The following ZDHHC14 variants were observed in gnomAD, a reference collection of about 807,000 sequenced individuals.
The protein encoded by ZDHHC14 is zDHHC palmitoyltransferase 14, also known as palmitoyltransferase ZDHHC14.
Under a neutral mutation model 47.7 loss-of-function variants are expected in ZDHHC14, and 16 were observed. The observed-to-expected ratio is 0.34, with a 90% confidence interval of 0.23 to 0.51. The LOEUF (loss-of-function observed/expected upper bound fraction) is 0.51, where lower values mean the gene tolerates loss of function less well. Ranked by LOEUF, ZDHHC14 falls within the 20% of genes least tolerant of loss-of-function variation. The pLI, the probability that ZDHHC14 is intolerant of heterozygous loss-of-function variation, is 0.97. For synonymous variants in ZDHHC14, 293 were observed against 278.9 expected (o/e 1.05, Z -0.50); for missense variants, 515 against 662.5 (o/e 0.78, Z 2.44).
chr6:157,669,297 T>C (rs1313878672), intron 8 of ZDHHC14, among the ~76,000 whole-genome samples: 1 of 143,310 alleles, frequency 7.0e-6, no homozygotes, highest in Non-Finnish European at 1.5e-5. Flanking sequence ...GCTGATGGAG[T>C]AGTGCAAAGT....
At chr6:157,424,036 C>T (rs1778165781) in intron 1 of ZDHHC14, among the ~76,000 whole-genome samples, 2 of 152,228 alleles carry the variant, frequency 1.3e-5, no homozygotes, top group South Asian at 4.1e-4. Context: ...GCTTATTTCA[C>T]CTGAGTTTTA....
chr6:157,512,475 C>T (rs1780528470), intron 1 of ZDHHC14, among the ~76,000 whole-genome samples: 2 of 152,218 alleles, frequency 1.3e-5, no homozygotes, highest in Non-Finnish European at 2.9e-5. Context: ...TAGTCCGTGG[C>T]TCACAGTTCA....
intron 5 of ZDHHC14, among the ~76,000 whole-genome samples, chr6:157,636,042 G>T (rs1008916803): frequency 2.4e-4 from 36 of 152,184 alleles, no homozygotes; most frequent in African/African-American, 7.2e-4. Flanking sequence ...ACACTCAGGG[G>T]CAGGGCAGCC....
intron 3 of ZDHHC14, among the ~76,000 whole-genome samples, chr6:157,594,327 C>T (rs568258763): frequency 2.0e-5 from 3 of 152,162 alleles, no homozygotes; most frequent in Non-Finnish European, 4.4e-5. Context: ...GCCTTGCCTC[C>T]CCAACAGAAC....
At chr6:157,432,008 C>T (rs1158609907) in intron 1 of ZDHHC14, among the ~76,000 whole-genome samples, 1 of 152,108 alleles carries the variant, frequency 6.6e-6, no homozygotes, top group African/African-American at 2.4e-5. Context: ...GGATTACAGA[C>T]GTGACCCATC....
intron 8 of ZDHHC14, among the ~76,000 whole-genome samples, chr6:157,669,263 CA>C (rs1426160066): frequency 6.7e-6 from 1 of 149,738 alleles, no homozygotes; most frequent in Non-Finnish European, 1.5e-5. Context: ...GAGAGGTGAT[CA>C]GGGGAGAGGA....
chr6:157,521,166 C>T (rs963561959), intron 1 of ZDHHC14, among the ~76,000 whole-genome samples: 2 of 152,122 alleles, frequency 1.3e-5, no homozygotes, highest in Admixed American at 6.5e-5. Context: ...GATGGAGAAG[C>T]GGGGACCCTG....
Position 157,677,313 on chromosome 6 carries a change from TATC to T in ZDHHC14, c.*4194_*4196del. ...GTCTCTCTCTCTCATAAAACTAAGT[TATC>T]ATTGAAATATTAAACGATCTGAAGC... On this transcript the variant is annotated 3_prime_UTR_variant, in exon 9 of 9. Coordinates refer to ENST00000359775, the MANE Select transcript of ZDHHC14 (RefSeq NM_024630.3). 1 of 151,130 alleles carries T rather than the reference TATC, an allele frequency of 6.6e-6. No homozygotes were observed. The highest frequency in any genetic ancestry group is 6.6e-5 in the Admixed American group (1 of 15,146). The allele number at this position is 151,130 out of a possible 1,614,324, so 9.4% of individuals were successfully genotyped here.
intron 1 of ZDHHC14, among the ~76,000 whole-genome samples, chr6:157,517,386 C>G (rs1035572877): frequency 3.2e-4 from 48 of 151,568 alleles, no homozygotes; most frequent in African/African-American, 1.1e-3. Context: ...GCAGTCTCAA[C>G]TATAACCTCC....
At chr6:157,515,728 G>C (rs1319255633) in intron 1 of ZDHHC14, among the ~76,000 whole-genome samples, 2 of 151,598 alleles carry the variant, frequency 1.3e-5, no homozygotes, top group Non-Finnish European at 2.9e-5. Flanking sequence ...GCCTCCCAAA[G>C]TGCTGGGATT....
At chr6:157,481,367 G>A (rs1779626627) in intron 1 of ZDHHC14, among the ~76,000 whole-genome samples, 1 of 152,220 alleles carries the variant, frequency 6.6e-6, no homozygotes, top group South Asian at 2.1e-4. Flanking sequence ...GCCGTTATGA[G>A]TGAATCATTT....
intron 2 of ZDHHC14, among the ~76,000 whole-genome samples, chr6:157,572,469 T>C (rs146464521): frequency 0.019 from 2,839 of 152,276 alleles, 89 homozygotes; most frequent in African/African-American, 0.064. Flanking sequence ...CAAGCCACAA[T>C]AAGAAAGAGG....
At chr6:157,560,664 A>G (rs554788806) in intron 2 of ZDHHC14, among the ~76,000 whole-genome samples, 93 of 152,352 alleles carry the variant, frequency 6.1e-4, no homozygotes, top group African/African-American at 2.2e-3. Flanking sequence ...AAGAAAAAAA[A>G]TCAGTAAATG....
intron 2 of ZDHHC14, among the ~76,000 whole-genome samples, chr6:157,580,433 G>C (rs1028983357): frequency 6.6e-6 from 1 of 151,812 alleles, no homozygotes; most frequent in African/African-American, 2.4e-5. Context: ...AAGAGTCCCT[G>C]CTCATTTTTT....
At chr6:157,652,642 T>C (rs1467271468) in intron 7 of ZDHHC14, among the ~76,000 whole-genome samples, 1 of 152,236 alleles carries the variant, frequency 6.6e-6, no homozygotes, top group Admixed American at 6.5e-5. Context: ...GAAACTTGTC[T>C]GTGGGACAAG....
intron 1 of ZDHHC14, among the ~76,000 whole-genome samples, chr6:157,399,836 C>G (rs958912535): frequency 2.6e-5 from 4 of 152,312 alleles, no homozygotes; most frequent in Admixed American, 2.6e-4. Flanking sequence ...AGGTGCAGGT[C>G]CAAGGTGGGC....
At chr6:157,539,093 G>T (rs1781651212) in intron 1 of ZDHHC14, among the ~76,000 whole-genome samples, 1 of 151,982 alleles carries the variant, frequency 6.6e-6, no homozygotes, top group Non-Finnish European at 1.5e-5. Context: ...TTGAAGGAGG[G>T]GATCATGGTA....
At chr6:157,562,427 G>T (rs933697241) in intron 2 of ZDHHC14, among the ~76,000 whole-genome samples, 12 of 152,302 alleles carry the variant, frequency 7.9e-5, no homozygotes, top group Admixed American at 3.3e-4. Context: ...GCCTTGTTCC[G>T]CTGTCCCTGG....
In ZDHHC14 at chr6:157,653,543, G is replaced by A. The variant is rs961782622; in HGVS notation, c.984G>A (p.Gly328=). The change falls in exon 8 of 9, where the codon GGG becomes GGA. Residue 328 remains glycine, a synonymous_variant. Coordinates refer to ENST00000359775, the MANE Select transcript of ZDHHC14 (RefSeq NM_024630.3). ...CTCGCAGCCTGATCGACAGAAGAGGGTACATCCAGCCCGACACGCCGCAGC... is the reference window on the plus strand; with the variant it reads ...CTCGCAGCCTGATCGACAGAAGAGGATACATCCAGCCCGACACGCCGCAGC... ...PISPSLIDRR[G]YIQPDTPQPA... 32 of 1,613,694 alleles carry A rather than the reference G, an allele frequency of 2.0e-5. No homozygotes were observed. The highest frequency in any genetic ancestry group is 2.7e-5 in the African/African-American group (2 of 74,916).
Sources: allele counts gnomAD v4.1 joint callset (sites outside exome capture counted in the v4.1 genomes callset), GRCh38; gene constraint gnomAD v4.1.1; transcripts MANE v1.5; gene names NCBI Gene and HGNC (gene_info 2026-07-23, HGNC 2026-07-21).